The following SUSD6 variants were observed in gnomAD, a reference collection of about 807,000 sequenced individuals.
SUSD6 encodes sushi domain-containing protein 6.
Under a neutral mutation model 28.4 loss-of-function variants are expected in SUSD6, and 16 were observed. That is an observed-to-expected ratio of 0.56 (90% CI 0.38 to 0.86). The LOEUF is 0.86. Ranked by LOEUF, SUSD6 falls within the 40% of genes least tolerant of loss-of-function variation. SUSD6 has a pLI of 0.00. For synonymous variants in SUSD6, 147 were observed against 159.6 expected (o/e 0.92, Z 0.59); for missense variants, 341 against 384.2 (o/e 0.89, Z 0.94).
intron 2 of SUSD6, among the ~76,000 whole-genome samples, chr14:69,672,069 T>G (rs1457251731): frequency 1.3e-5 from 2 of 152,252 alleles, no homozygotes; most frequent in Non-Finnish European, 2.9e-5. Context: ...ATCTCTTTTC[T>G]GAATTGCTCA....
chr14:69,706,637 A>G (rs2139647221), intron 4 of SUSD6, among the ~76,000 whole-genome samples: 1 of 151,782 alleles, frequency 6.6e-6, no homozygotes. Context: ...ATTTTTTTGT[A>G]TTTTTTATAG....
intron 2 of SUSD6, among the ~76,000 whole-genome samples, chr14:69,701,949 G>A (rs1374779130): frequency 6.6e-6 from 1 of 152,088 alleles, no homozygotes; most frequent in African/African-American, 2.4e-5. Flanking sequence ...AACCTGGCTG[G>A]CAGTCAGCTT....
chr14:69,647,180 C>A (rs1409103048), intron 1 of SUSD6, among the ~76,000 whole-genome samples: 3 of 152,164 alleles, frequency 2.0e-5, no homozygotes, highest in Admixed American at 6.5e-5. Context: ...GCTGAATGCT[C>A]CTGGTTACAC....
At chr14:69,625,436 C>G (rs1885099798) in intron 1 of SUSD6, among the ~76,000 whole-genome samples, 1 of 152,188 alleles carries the variant, frequency 6.6e-6, no homozygotes, top group Non-Finnish European at 1.5e-5. Context: ...GGGTTAGCAG[C>G]AGAAACGGGG....
intron 2 of SUSD6, among the ~76,000 whole-genome samples, chr14:69,661,252 T>C (rs1403267593): frequency 2.6e-5 from 4 of 152,076 alleles, no homozygotes; most frequent in South Asian, 2.1e-4. Flanking sequence ...ACCCCTAACC[T>C]CCCTTTTGTT....
In SUSD6 at chr14:69,670,940, G is replaced by C. The variant is rs1200404480; in HGVS notation, c.121+12227G>C. On this transcript the variant is annotated intron_variant, in intron 2 of 5. Coordinates refer to ENST00000342745, the MANE Select transcript of SUSD6 (RefSeq NM_014734.4). ...ATTTGTTTCTTGCCCTGTGAATGAA[G>C]AAGTGTTCTCTTTCACTCTGGTGGA... Among the ~76,000 whole-genome samples the C allele has an allele frequency of 2.0e-5, 3 of 152,236 alleles. No individual in the cohort carries two copies. The East Asian group carries it at 5.8e-4, about 29-fold the overall frequency.
chr14:69,650,335 C>T (rs1566595060), intron 1 of SUSD6, among the ~76,000 whole-genome samples: 2 of 152,124 alleles, frequency 1.3e-5, no homozygotes, highest in Admixed American at 1.3e-4. Context: ...TTTCACTGCA[C>T]AGCAACCCAA....
intron 1 of SUSD6, among the ~76,000 whole-genome samples, chr14:69,634,520 T>C (rs1885236451): frequency 6.6e-6 from 1 of 152,230 alleles, no homozygotes; most frequent in East Asian, 1.9e-4. Flanking sequence ...TTCCCCTCCA[T>C]CTCCCTTTCA....
chr14:69,706,114 T>C (rs1886383622), intron 4 of SUSD6, among the ~76,000 whole-genome samples: 1 of 152,228 alleles, frequency 6.6e-6, no homozygotes, highest in African/African-American at 2.4e-5. Flanking sequence ...TTCTTTCTTT[T>C]ATTTTGTTTT....
chr14:69,628,528 C>T (rs1885148025), intron 1 of SUSD6, among the ~76,000 whole-genome samples: 1 of 152,004 alleles, frequency 6.6e-6, no homozygotes, highest in Non-Finnish European at 1.5e-5. Flanking sequence ...AAGAAAAATC[C>T]CCTGGGGAGT....
At chr14:69,622,443 C>T (rs1248077761) in intron 1 of SUSD6, among the ~76,000 whole-genome samples, 2 of 152,214 alleles carry the variant, frequency 1.3e-5, no homozygotes, top group African/African-American at 2.4e-5. Context: ...GCCGGGATTA[C>T]AGGCATGAGC....
chr14:69,645,497 T>C (rs1885412869), intron 1 of SUSD6, among the ~76,000 whole-genome samples: 1 of 152,036 alleles, frequency 6.6e-6, no homozygotes. Flanking sequence ...TTAAGCTGTA[T>C]CCCCAACTTT....
At chr14:69,615,506 C>T (rs1156491296) in intron 1 of SUSD6, 1 of 152,268 alleles carries the variant, frequency 6.6e-6, no homozygotes, top group Non-Finnish European at 1.5e-5. Context: ...TGTCCTTTTT[C>T]TTCCCTTTTT....
intron 1 of SUSD6, among the ~76,000 whole-genome samples, chr14:69,612,532 G>A (rs1296903228): frequency 6.6e-6 from 1 of 152,136 alleles, no homozygotes; most frequent in Non-Finnish European, 1.5e-5. Context: ...TCGTGGCTGG[G>A]GAGCTGCTGA....
chr14:69,666,201 T>C (rs1246551681), intron 2 of SUSD6, among the ~76,000 whole-genome samples: 4 of 152,216 alleles, frequency 2.6e-5, no homozygotes, highest in Non-Finnish European at 4.4e-5. Flanking sequence ...AATTCTCAAA[T>C]AACACATGTT....
chr14:69,614,367 T>A (rs1884928433), intron 1 of SUSD6, among the ~76,000 whole-genome samples: 1 of 152,212 alleles, frequency 6.6e-6, no homozygotes, highest in Non-Finnish European at 1.5e-5. Context: ...GTGCCCGGCC[T>A]GAACTTGTGT....
chr14:69,635,257 A>C (rs1190519501), intron 1 of SUSD6, among the ~76,000 whole-genome samples: 1 of 152,202 alleles, frequency 6.6e-6, no homozygotes, highest in Non-Finnish European at 1.5e-5. Flanking sequence ...CCAAAGGTAC[A>C]CTTTAGAGAA....
chr14:69,613,072 A>G (rs1322767935), intron 1 of SUSD6, among the ~76,000 whole-genome samples: 2 of 152,188 alleles, frequency 1.3e-5, no homozygotes, highest in South Asian at 2.1e-4. Flanking sequence ...CCAGAAATTA[A>G]AATTTTCCTG....
At chr14:69,612,997 A>G (rs981544818) in intron 1 of SUSD6, among the ~76,000 whole-genome samples, 1 of 152,188 alleles carries the variant, frequency 6.6e-6, no homozygotes, top group Non-Finnish European at 1.5e-5. Flanking sequence ...GCTAGTAGAG[A>G]CATGTGCTTG....
Sources: gnomAD v4.1 joint callset for allele counts (sites outside exome capture counted in the v4.1 genomes callset) on GRCh38, gnomAD v4.1.1 for gene constraint, MANE v1.5 for transcripts, NCBI Gene and HGNC (gene_info 2026-07-23, HGNC 2026-07-21) for gene names.